The following DLGAP1 variants were observed in gnomAD, a reference collection of about 807,000 sequenced individuals.
DLGAP1 encodes the protein DLG associated protein 1.
DLGAP1 carries 11 observed loss-of-function variants against 90.8 expected under a neutral mutation model. That is an observed-to-expected ratio of 0.12 (90% CI 0.08 to 0.20). The LOEUF is 0.20. Ranked by LOEUF, DLGAP1 falls within the 10% of genes least tolerant of loss-of-function variation. The pLI is 1.00. For synonymous variants in DLGAP1, 558 were observed against 540.7 expected (o/e 1.03, Z -0.44); for missense variants, 1,050 against 1,333.8 (o/e 0.79, Z 3.31).
chr18:3,910,805 A>G (rs1476094908), intron 3 of DLGAP1, among the ~76,000 whole-genome samples: 1 of 152,156 alleles, frequency 6.6e-6, no homozygotes, highest in African/African-American at 2.4e-5. Context: ...TTCTAAATAT[A>G]TAAAAATATT....
At chr18:4,384,074 C>T (rs556398570) in intron 1 of DLGAP1, among the ~76,000 whole-genome samples, 4 of 152,208 alleles carry the variant, frequency 2.6e-5, no homozygotes, top group South Asian at 2.1e-4. Flanking sequence ...TCAACAGCAA[C>T]GAGACTTACT....
intron 1 of DLGAP1, among the ~76,000 whole-genome samples, chr18:4,205,904 A>G (rs2077711219): frequency 6.6e-6 from 1 of 152,210 alleles, no homozygotes; most frequent in Non-Finnish European, 1.5e-5. Context: ...TAACTCATGT[A>G]GTGTGAAGGA....
intron 11 of DLGAP1, among the ~76,000 whole-genome samples, chr18:3,506,447 A>T (rs2050222648): frequency 7.6e-6 from 1 of 131,112 alleles, no homozygotes. Context: ...CAGGAGGCGG[A>T]GGTTGCAGTG....
intron 3 of DLGAP1, among the ~76,000 whole-genome samples, chr18:3,907,920 C>T (rs893675539): frequency 6.6e-6 from 1 of 152,220 alleles, no homozygotes; most frequent in Non-Finnish European, 1.5e-5. Context: ...CTAAAAGAGA[C>T]AGGCTTCATG....
chr18:3,592,096 GAGGGTCC>G (rs1279036148), intron 7 of DLGAP1, among the ~76,000 whole-genome samples: 1 of 152,172 alleles, frequency 6.6e-6, no homozygotes, highest in Non-Finnish European at 1.5e-5. Context: ...GCAAACTAGG[GAGGGTCC>G]CACAGAGAAT....
At chr18:4,045,910 G>T (rs972635143) in intron 2 of DLGAP1, among the ~76,000 whole-genome samples, 1 of 151,324 alleles carries the variant, frequency 6.6e-6, no homozygotes, top group Non-Finnish European at 1.5e-5. Flanking sequence ...AAAGTGCTGG[G>T]GTTATATGTG....
chr18:3,502,591 T>C lies in DLGAP1; in HGVS notation c.2626A>G (p.Met876Val), dbSNP rs772728074. The C allele has an allele frequency of 1.2e-6, 2 of 1,614,166 alleles. No homozygotes were observed. Among genetic ancestry groups the C allele is most frequent in the South Asian group, 1.1e-5 (1 of 91,084 alleles). Residue 876 changes from methionine (M) to valine (V), a missense_variant, in exon 12 of 13, where the codon ATG (methionine) becomes GTG (valine). Met to Val is a conservative substitution (Grantham distance 21). Around this residue, in one of 2 missense-constraint regions of DLGAP1, gnomAD observed 565 missense variants for 879.7 expected, o/e 0.64. Transcript: ENST00000315677. Reference protein sequence around the residue: ...TSQDLAGFWDMLQLSIENISM... With the variant: ...TSQDLAGFWDVLQLSIENISM... ...ATATTTTCTATGGACAACTGCAGCA[T>C]GTCCCAAAACCCCGCCAAATCCTGG... is the stretch of plus-strand genomic sequence containing the variant.
chr18:4,047,077 T>G (rs1273513180), intron 2 of DLGAP1, among the ~76,000 whole-genome samples: 1 of 152,210 alleles, frequency 6.6e-6, no homozygotes, highest in Non-Finnish European at 1.5e-5. Flanking sequence ...CAATGTTGAA[T>G]TTCCAGAAGA....
intron 9 of DLGAP1, among the ~76,000 whole-genome samples, chr18:3,551,423 A>G: frequency 6.6e-6 from 1 of 151,102 alleles, no homozygotes; most frequent in East Asian, 2.0e-4. Context: ...TAATTTTTGT[A>G]TTTTTAGTAG....
chr18:3,500,829 A>C (rs1423352123), intron 12 of DLGAP1, among the ~76,000 whole-genome samples: 3 of 152,178 alleles, frequency 2.0e-5, no homozygotes, highest in Non-Finnish European at 4.4e-5. Context: ...GGAATAACTC[A>C]GTGGATATTT....
chr18:3,596,943 TC>T, intron 7 of DLGAP1: 1 of 519,854 alleles, frequency 1.9e-6, no homozygotes, highest in Non-Finnish European at 3.8e-6. Flanking sequence ...CACCAGCTGG[TC>T]CCCTGGGTCG....
chr18:4,287,576 G>T (rs111518386), intron 1 of DLGAP1, among the ~76,000 whole-genome samples: 1 of 152,018 alleles, frequency 6.6e-6, no homozygotes, highest in African/African-American at 2.4e-5. Flanking sequence ...CATCATTCTC[G>T]GCAAAGTAAA....
intron 3 of DLGAP1, among the ~76,000 whole-genome samples, chr18:3,918,255 G>A (rs1171424997): frequency 3.3e-5 from 5 of 152,070 alleles, no homozygotes; most frequent in African/African-American, 4.8e-5. Context: ...TTCCAATATC[G>A]TGTCTGTTGC....
Position 4,253,944 on chromosome 18 carries a change from G to A in DLGAP1, c.-266-102657C>T, listed in dbSNP as rs143918095. On this transcript the variant is annotated intron_variant, in intron 1 of 12. Coordinates refer to ENST00000315677, the MANE Select transcript of DLGAP1 (RefSeq NM_004746.4). Reference sequence around the variant, plus strand: ...TCAGTTCTCAGGTTTGGCAGCCTGAGACTGCCACCTTCATGTCAGTCCCTT... The same window carrying A: ...TCAGTTCTCAGGTTTGGCAGCCTGAAACTGCCACCTTCATGTCAGTCCCTT... Among the ~76,000 whole-genome samples, 296 of 152,242 alleles carry A rather than the reference G, an allele frequency of 1.9e-3. 2 individuals carry two copies. The highest frequency in any genetic ancestry group is 6.5e-3 in the African/African-American group (270 of 41,558).
intron 1 of DLGAP1, among the ~76,000 whole-genome samples, chr18:4,232,837 C>G (rs752735618): frequency 6.6e-6 from 1 of 152,038 alleles, no homozygotes; most frequent in Non-Finnish European, 1.5e-5. Flanking sequence ...AAGGTGAAAC[C>G]GCCAGCACCT....
At chr18:3,677,960 G>GTTTTTTTTT (rs71160908) in intron 7 of DLGAP1, among the ~76,000 whole-genome samples, 1 of 81,186 alleles carries the variant, frequency 1.2e-5, no homozygotes, top group African/African-American at 4.2e-5. Flanking sequence ...TGCCCGGTGG[G>GTTTTTTTTT]TTTTTTTTTT....
intron 1 of DLGAP1, among the ~76,000 whole-genome samples, chr18:4,407,231 A>C (rs1473306051): frequency 2.0e-5 from 3 of 152,220 alleles, no homozygotes; most frequent in Non-Finnish European, 4.4e-5. Flanking sequence ...TGCTGTAAAA[A>C]AACAAGGTAA....
intron 1 of DLGAP1, among the ~76,000 whole-genome samples, chr18:4,437,251 T>C (rs1285325273): frequency 1.3e-5 from 2 of 152,214 alleles, no homozygotes; most frequent in African/African-American, 4.8e-5. Context: ...CACAACATAC[T>C]AGCCAAGTGG....
At chr18:4,082,787 G>T (rs2075630367) in intron 2 of DLGAP1, among the ~76,000 whole-genome samples, 2 of 100,174 alleles carry the variant, frequency 2.0e-5, no homozygotes. Flanking sequence ...GTCAGAACAA[G>T]AAAGATTCCA....
Sources: gnomAD v4.1 joint callset for allele counts (sites outside exome capture counted in the v4.1 genomes callset) on GRCh38, gnomAD v4.1.1 for gene constraint, gnomAD v4.1.1 regional missense constraint, MANE v1.5 for transcripts, NCBI Gene and HGNC (gene_info 2026-07-23, HGNC 2026-07-21) for gene names.